The following DHX8 variants were observed in gnomAD, a reference collection of about 807,000 sequenced individuals.
DHX8 encodes ATP-dependent RNA helicase DHX8.
In DHX8, 67 loss-of-function variants were observed where a neutral mutation model predicts 140.7. That is an observed-to-expected ratio of 0.48 (90% CI 0.39 to 0.58). The LOEUF (loss-of-function observed/expected upper bound fraction) is 0.58. DHX8 is among the 20% of genes least tolerant of loss of function. DHX8 has a pLI of 0.00. For synonymous variants in DHX8, 533 were observed against 553.2 expected (o/e 0.96, Z 0.51); for missense variants, 887 against 1,550.7 (o/e 0.57, Z 7.19).
intron 2 of DHX8, chr17:43,533,122 G>C: frequency 6.3e-7 from 1 of 1,580,792 alleles, no homozygotes. Flanking sequence ...AAGTCTTTAT[G>C]GAGAACACTC....
chr17:43,509,529 G>A (rs1359148446), intron 16 of DHX8, among the ~76,000 whole-genome samples: 2 of 149,464 alleles, frequency 1.3e-5, no homozygotes, highest in African/African-American at 5.0e-5. Flanking sequence ...TGTCACCCAA[G>A]GTGGAGTGCA....
In DHX8 at chr17:43,509,085, G is replaced by A. The variant is rs116076891; in HGVS notation, c.2502+565G>A. ...ACCAGGCTTTGGGCTACACATGGGA[G>A]CTGCATTGTGAGAACAAGCCTCTAT... On this transcript the variant is annotated intron_variant, in intron 16 of 22. Transcript: ENST00000262415. 2.3e-3 allele frequency among the ~76,000 whole-genome samples: 344 copies of A among 152,314 alleles called. 2 individuals are homozygous for A. The highest frequency in any genetic ancestry group is 8.0e-3 in the African/African-American group (333 of 41,578).
At chr17:43,526,773 A>G, downstream of DHX8, 1 of 1,157,000 alleles carries the variant, frequency 8.6e-7, no homozygotes, top group Non-Finnish European at 1.1e-6. Flanking sequence ...TGTGGAATTA[A>G]ATTATATATT....
intron 8 of DHX8, among the ~76,000 whole-genome samples, chr17:43,494,202 C>T (rs1473630688): frequency 1.3e-5 from 2 of 152,106 alleles, no homozygotes; most frequent in African/African-American, 4.8e-5. Context: ...GAGACTTACT[C>T]ACTATCGTGA....
At position 43,525,145 on chromosome 17, in the gene DHX8, G is replaced by C. The variant is rs1234498251; in HGVS notation, c.*1298G>C. 1.0e-6 allele frequency: 1 copy of C among 985,294 alleles called. No homozygotes were observed. Among genetic ancestry groups the C allele is most frequent in the East Asian group, 1.1e-4 (1 of 8,826 alleles). The allele number at this position is 985,294 out of a possible 1,614,324, so 61.0% of individuals were successfully genotyped here. A position where few individuals can be genotyped will look rare whatever the true frequency, so the allele number is the denominator to read the frequency against. On this transcript the variant is annotated 3_prime_UTR_variant, in exon 23 of 23. Coordinates refer to ENST00000262415, the MANE Select transcript of DHX8 (RefSeq NM_004941.3). ...CATCAGGCAGGTCTTGCCAGGCCAG[G>C]TTTCGGAACTTACGGAAAGCTGGTC...
At position 43,484,166 on chromosome 17, in the gene DHX8, G is replaced by A. The variant is rs779445288; in HGVS notation, c.129G>A (p.Gly43=). 1 of 1,614,130 alleles carries A rather than the reference G, an allele frequency of 6.2e-7. No homozygotes were observed. The highest frequency in any genetic ancestry group is 8.5e-7 in the Non-Finnish European group (1 of 1,180,008). The stretch of plus-strand genomic sequence containing the variant: ...GCACTGAGCTGGACAATCACTTGGG[G>A]ATCAACGACAAGGACCTTGGTGAGC... ...KVCTELDNHL[G]INDKDLAEFV... is the part of the protein sequence containing the mutation. Residue 43 remains glycine (G), a synonymous_variant, in exon 1 of 23, where the codon GGG becomes GGA. Transcript: ENST00000262415.
intron 1 of DHX8, among the ~76,000 whole-genome samples, chr17:43,485,339 A>G (rs1017443475): frequency 1.3e-5 from 2 of 152,190 alleles, no homozygotes; most frequent in African/African-American, 4.8e-5. Context: ...ACCTTTGGTA[A>G]GATTCATAGT....
At position 43,513,376 on chromosome 17, in the gene DHX8, C is replaced by T; in HGVS notation, c.2517C>T (p.Thr839=). The T allele has an allele frequency of 6.2e-7, 1 of 1,613,012 alleles. No homozygotes were observed. The highest frequency in any genetic ancestry group is 8.5e-7 in the Non-Finnish European group (1 of 1,179,548). Residue 839 remains threonine (T), a synonymous_variant, in exon 17 of 23, where the codon ACC becomes ACT. Coordinates refer to ENST00000262415, the MANE Select transcript of DHX8 (RefSeq NM_004941.3). ...CTTGCCTGCAGGTTGTGATTGCCAC[C>T]AATATCGCAGAGACATCGCTGACTA... ...PPGSRKVVIA[T]NIAETSLTID...
chr17:43,504,969 T>C, intron 12 of DHX8, 144 bp downstream of exon 12: 1 of 818,286 alleles, frequency 1.2e-6, no homozygotes, highest in Non-Finnish European at 1.9e-6. Flanking sequence ...AGGATAAAAC[T>C]TTCTAAATAC....
chr17:43,541,877 C>T (rs1335748601), intron 3 of DHX8, among the ~76,000 whole-genome samples: 1 of 152,160 alleles, frequency 6.6e-6, no homozygotes, highest in Non-Finnish European at 1.5e-5. Context: ...GGCATTGTAG[C>T]TGGGAAAGAT....
Position 43,507,335 on chromosome 17 carries a change from A to C in DHX8, c.1923+138A>C. On this transcript the variant is annotated intron_variant, in intron 13 of 22. Coordinates refer to ENST00000262415, the MANE Select transcript of DHX8 (RefSeq NM_004941.3). ...AGAGAGGGTTCCCATTGTCATAATC[A>C]GTCTGTTCAGAGTATAGTCTAAGAC... 9.8e-6 allele frequency: 11 copies of C among 1,120,472 alleles called. No homozygotes were observed. The South Asian group carries it at 1.7e-4, about 18-fold the overall frequency. 69.4% of individuals were successfully genotyped at this position (1,120,472 alleles called of 1,614,324 possible). A position where few individuals can be genotyped will look rare whatever the true frequency, so the allele number is the denominator to read the frequency against.
At chr17:43,532,963 G>T in intron 2 of DHX8, 1 of 1,537,872 alleles carries the variant, frequency 6.5e-7, no homozygotes, top group Non-Finnish European at 8.7e-7. Context: ...GATGGAGAAG[G>T]AAGAGAAGAG....
downstream of DHX8, among the ~76,000 whole-genome samples, chr17:43,530,870 A>T (rs865900597): frequency 1.0e-3 from 157 of 152,042 alleles, 1 homozygote; most frequent in African/African-American, 3.5e-3. Context: ...ATGGTGAAAC[A>T]TGACACCTCC....
intron 3 of DHX8, among the ~76,000 whole-genome samples, chr17:43,541,309 C>CGTCTTAAGT (rs1971509581): frequency 6.6e-6 from 1 of 152,094 alleles, no homozygotes. Context: ...TACCATGTTT[C>CGTCTTAAGT]GTCTTAAGTG....
At chr17:43,532,454 G>A (rs927881291) in intron 2 of DHX8, among the ~76,000 whole-genome samples, 43 of 151,920 alleles carry the variant, frequency 2.8e-4, no homozygotes, top group African/African-American at 7.7e-4. Context: ...AGCAGAGATC[G>A]TGCCACTGCA....
intron 16 of DHX8, among the ~76,000 whole-genome samples, chr17:43,512,997 T>G (rs1969929421): frequency 6.6e-6 from 1 of 152,160 alleles, no homozygotes; most frequent in Admixed American, 6.5e-5. Context: ...TTGGCACATG[T>G]GATGCCAGGA....
In DHX8 at chr17:43,493,743, G is replaced by C. The variant is rs1358246446; in HGVS notation, c.1069G>C (p.Glu357Gln). Reference protein sequence around the residue: ...NPNRRRNLVGETNEETSMRNP... With the variant: ...NPNRRRNLVGQTNEETSMRNP... ...AAATAGACGGCGAAATCTTGTCGGG[G>C]AGACCAATGAGGAGACCTCAATGCG... is the stretch of plus-strand genomic sequence containing the variant. The change falls in exon 8 of 23, where the codon GAG becomes CAG. Residue 357 changes from glutamate to glutamine, a missense_variant. Physicochemically the swap from Glu to Gln is conservative, Grantham distance 29. Around this residue, in one of 9 missense-constraint regions of DHX8, gnomAD observed 98 missense variants for 152.7 expected, o/e 0.64. Transcript: ENST00000262415. The C allele has an allele frequency of 6.2e-6, 10 of 1,614,222 alleles. No individual in the cohort carries two copies. Among genetic ancestry groups the C allele is most frequent in the African/African-American group, 1.3e-5 (1 of 75,046 alleles).
At chr17:43,511,851 C>CAA (rs1210970204) in intron 16 of DHX8, among the ~76,000 whole-genome samples, 18 of 67,976 alleles carry the variant, frequency 2.6e-4, no homozygotes, top group Admixed American at 3.1e-4. Flanking sequence ...CCTATCTCTA[C>CAA]AAAAAAAAAA....
intron 1 of DHX8, among the ~76,000 whole-genome samples, chr17:43,486,099 G>A (rs1004690982): frequency 6.6e-6 from 1 of 151,766 alleles, no homozygotes; most frequent in African/African-American, 2.4e-5. Flanking sequence ...GCTGAGGCAG[G>A]AGAATCGCTT....
Sources: allele counts gnomAD v4.1 joint callset (sites outside exome capture counted in the v4.1 genomes callset), GRCh38; gene constraint gnomAD v4.1.1; regional missense constraint gnomAD v4.1.1; transcripts MANE v1.5; gene names NCBI Gene and HGNC (gene_info 2026-07-23, HGNC 2026-07-21).